Variants in USP6 observed in about 807,000 individuals in gnomAD.
The protein encoded by USP6 is ubiquitin specific peptidase 6.
Under a neutral mutation model 175.7 loss-of-function variants are expected in USP6, and 128 were observed. The observed-to-expected ratio is 0.73, with a 90% CI of 0.63 to 0.84. USP6 has a LOEUF of 0.84. Among genes scored for constraint, USP6 ranks in the 40% least tolerant of loss-of-function variants. The pLI is 0.00. For synonymous variants in USP6, 562 were observed against 630.6 expected, an observed-to-expected ratio of 0.89 and a Z score of 1.63; for missense variants, 1,498 against 1,760.3, an observed-to-expected ratio of 0.85 and a Z score of 2.67.
chr17:5,119,121 C>A (rs1468061813), intron 2 of USP6, among the ~76,000 whole-genome samples: 1 of 152,152 alleles, frequency 6.6e-6, no homozygotes, highest in Non-Finnish European at 1.5e-5. Context: ...TATGAAGAAA[C>A]CTCTCCTAAG....
At chr17:5,170,150 G>T (rs988115545) in intron 35 of USP6, among the ~76,000 whole-genome samples, 1 of 152,132 alleles carries the variant, frequency 6.6e-6, no homozygotes, top group African/African-American at 2.4e-5. Context: ...CAAAGGAGAG[G>T]AATATGTATT....
intron 31 of USP6, among the ~76,000 whole-genome samples, chr17:5,158,052 A>G (rs539583138): frequency 1.3e-5 from 2 of 152,352 alleles, no homozygotes; most frequent in African/African-American, 4.8e-5. Flanking sequence ...CAAGAAGTCT[A>G]TTATATATTC....
chr17:5,172,340 G>GCCAA (rs2074242366), intron 37 of USP6, among the ~76,000 whole-genome samples: 1 of 151,848 alleles, frequency 6.6e-6, no homozygotes, highest in Admixed American at 6.6e-5. Context: ...GGCCATCCTG[G>GCCAA]CTAATATGGT....
In USP6 at chr17:5,138,171, C is replaced by A. The variant is rs544131576; in HGVS notation, c.976C>A (p.Gln326Lys). 6.2e-7 allele frequency: 1 copy of A among 1,614,098 alleles called. No homozygotes were observed. The highest frequency in any genetic ancestry group is 1.3e-5 in the African/African-American group (1 of 75,008). Residue 326 changes from glutamine (Q) to lysine (K), a missense_variant, in exon 21 of 38, where the codon CAA (glutamine) becomes AAA (lysine). Gln to Lys is a moderately conservative substitution (Grantham distance 53). Transcript: ENST00000574788. Reference sequence around the variant, plus strand: ...TGGCCTGTGGGCACGTCTGCGGAACCAATTCTTCGATACCTGGGCCATGAA... The same window carrying A: ...TGGCCTGTGGGCACGTCTGCGGAACAAATTCTTCGATACCTGGGCCATGAA... ...RCGLWARLRN[Q>K]FFDTWAMNDD... is the part of the protein sequence containing the mutation.
intron 4 of USP6, among the ~76,000 whole-genome samples, chr17:5,123,836 G>C (rs752537424): frequency 6.6e-6 from 1 of 151,904 alleles, no homozygotes; most frequent in Admixed American, 6.5e-5. Context: ...CACACATACA[G>C]AGTTGGTTGA....
In USP6 at chr17:5,139,667, C is replaced by G. The variant is rs776194242; in HGVS notation, c.1491C>G (p.Cys497Trp). ...QLATCWQAEH[C>W]GEVHNKDMSW... is the part of the protein sequence containing the mutation. The stretch of plus-strand genomic sequence containing the variant: ...CCACCTGCTGGCAGGCTGAACACTG[C>G]GGAGAGGGTGAGGTTGGCTTTCACT... The change falls in exon 22 of 38, where the codon TGC becomes TGG. Residue 497 changes from cysteine (C) to tryptophan (W), a missense_variant. Cys to Trp is a radical substitution (Grantham distance 215, BLOSUM62 -2). Coordinates refer to ENST00000574788, the MANE Select transcript of USP6 (RefSeq NM_001304284.2). The G allele has an allele frequency of 6.2e-7, 1 of 1,608,646 alleles. No homozygotes were observed.
chr17:5,148,739 G>A lies in USP6; in HGVS notation c.2615G>A (p.Gly872Asp). The A allele has an allele frequency of 6.2e-7, 1 of 1,613,494 alleles. No individual in the cohort carries two copies. Among genetic ancestry groups the A allele is most frequent in the Non-Finnish European group, 8.5e-7 (1 of 1,179,554 alleles). The change falls in exon 30 of 38, where the codon GGT becomes GAT. Residue 872 changes from glycine (G) to aspartate (D), a missense_variant. Around this residue, in one of 2 missense-constraint regions of USP6, gnomAD observed 1,217 missense variants for 1,500.8 expected, o/e 0.81. Coordinates refer to ENST00000574788, the MANE Select transcript of USP6 (RefSeq NM_001304284.2). ...TCTCTTCCTGACAGCCCCTTTACAG[G>A]TTACATCATTGCAGTCCACCGAAAA... ...MPSLPDSPFTGYIIAVHRKMM... is the reference protein window; with the variant it reads ...MPSLPDSPFTDYIIAVHRKMM...
chr17:5,121,632 G>T lies in USP6; in HGVS notation c.-1417G>T. On this transcript the variant is annotated 5_prime_UTR_variant, in exon 4 of 38. An upstream open reading frame in the 5' UTR gains an earlier in-frame stop. Transcript: ENST00000574788. The stretch of plus-strand genomic sequence containing the variant: ...CAGAAGCATGGAGCAGCAGCTGTGC[G>T]AGCTCTGCTGCGACGCGGAGCACCA... 6.2e-6 allele frequency: 1 copy of T among 160,802 alleles called. No homozygotes were observed. Among genetic ancestry groups the T allele is most frequent in the South Asian group, 1.7e-4 (1 of 5,766 alleles). 10.0% of individuals were successfully genotyped at this position (160,802 alleles called of 1,614,324 possible).
Position 5,174,081 on chromosome 17 carries a change from G to T in USP6, c.*1103G>T, listed in dbSNP as rs905464194. 20 of 206,902 alleles carry T rather than the reference G, an allele frequency of 9.7e-5. No homozygotes were observed. The highest frequency in any genetic ancestry group is 5.9e-5 in the Admixed American group (1 of 16,812). 12.8% of individuals were successfully genotyped at this position (206,902 alleles called of 1,614,324 possible). ...GTTTTAGGAAGTCAACTTTAGTTTTGCTTTGTTTGCATGTCCACTGGTTTT... is the reference window on the plus strand; with the variant it reads ...GTTTTAGGAAGTCAACTTTAGTTTTTCTTTGTTTGCATGTCCACTGGTTTT... On this transcript the variant is annotated 3_prime_UTR_variant, in exon 38 of 38. Transcript: ENST00000574788.
intron 20 of USP6, 113 bp from the exon 21 acceptor site, chr17:5,138,008 G>C (rs2073312955): frequency 6.3e-7 from 1 of 1,578,194 alleles, no homozygotes; most frequent in Non-Finnish European, 8.6e-7. Flanking sequence ...GGATGCCTGG[G>C]GTGGCCACAA....
intron 31 of USP6, among the ~76,000 whole-genome samples, chr17:5,156,229 T>C (rs2073880669): frequency 1.3e-5 from 2 of 152,236 alleles, no homozygotes; most frequent in Admixed American, 1.3e-4. Context: ...GTAAATGCAT[T>C]TACTCTGAAT....
rs762752854 is a variant in USP6, at chr17:5,163,005, G to T, written c.3036+1G>T. 47 of 1,574,384 alleles carry T rather than the reference G, an allele frequency of 3.0e-5. No individual in the cohort carries two copies. The African/African-American group carries it at 5.7e-4, about 19-fold the overall frequency. ...TCGCTATCAAACATCCCAGGAAAGG[G>T]TAAGAATTTAGGGCCACCGTAAAAT... On this transcript the variant is annotated splice_donor_variant, in intron 33 of 37. Transcript: ENST00000574788. LOFTEE classifies it high-confidence loss of function.
At chr17:5,145,244 A>G (rs958048762) in intron 26 of USP6, among the ~76,000 whole-genome samples, 161 bp from the exon 27 acceptor site, 12 of 152,212 alleles carry the variant, frequency 7.9e-5, no homozygotes, top group African/African-American at 2.9e-4. Context: ...CAAATGAAAA[A>G]TAGGATTTTC....
chr17:5,136,559 G>A (rs764471108), intron 17 of USP6, 81 bp from the exon 18 acceptor site: 642 of 1,546,886 alleles, frequency 4.2e-4, no homozygotes, highest in Admixed American at 1.3e-3. Flanking sequence ...GGGGGCCTCT[G>A]CAGCTGCCCA....
Position 5,137,768 on chromosome 17 carries a change from C to T in USP6, c.925+18C>T, listed in dbSNP as rs749222827. The stretch of plus-strand genomic sequence containing the variant: ...TCAGCAGAGTAAGTCTACGTGTGCC[C>T]AGTGGGGCCTGGGGAGCCCTGCAGT... On this transcript the variant is annotated intron_variant, in intron 20 of 37. Coordinates refer to ENST00000574788, the MANE Select transcript of USP6 (RefSeq NM_001304284.2). The T allele has an allele frequency of 1.9e-5, 31 of 1,606,366 alleles. No individual in the cohort carries two copies. The Admixed American group carries it at 4.7e-4, about 24-fold the overall frequency.
intron 31 of USP6, among the ~76,000 whole-genome samples, chr17:5,158,580 G>GGA (rs772325537): frequency 0.024 from 2,535 of 104,140 alleles, 173 homozygotes; most frequent in African/African-American, 0.087. Flanking sequence ...AGAGAGAGAG[G>GGA]GAGAGAGAGA....
chr17:5,148,579 A>C lies in USP6; in HGVS notation c.2455A>C (p.Asn819His). The C allele has an allele frequency of 6.2e-7, 1 of 1,613,976 alleles. No individual in the cohort carries two copies. Among genetic ancestry groups the C allele is most frequent in the Non-Finnish European group, 8.5e-7 (1 of 1,179,856 alleles). The change falls in exon 30 of 38, where the codon AAT becomes CAT. Residue 819 changes from asparagine to histidine, a missense_variant. Transcript: ENST00000574788. ...AGATTTCTCCTCTTCACCATCTACA[A>C]ATGGAATGTTCACCCTAACTACCAA... The part of the protein sequence containing the change: ...QIDFSSSPST[N>H]GMFTLTTNGD...
chr17:5,117,207 C>T (rs919412267), intron 1 of USP6, among the ~76,000 whole-genome samples: 4 of 152,184 alleles, frequency 2.6e-5, no homozygotes, highest in Non-Finnish European at 5.9e-5. Flanking sequence ...GTAGCACCCG[C>T]TGCTTAACAC....
chr17:5,122,829 G>A (rs1407705875), intron 4 of USP6: 4 of 152,312 alleles, frequency 2.6e-5, no homozygotes, highest in African/African-American at 9.6e-5. Flanking sequence ...AGCGCACTGA[G>A]CTCTTAGAGG....
Sources: allele counts gnomAD v4.1 joint callset (sites outside exome capture counted in the v4.1 genomes callset), GRCh38; gene constraint gnomAD v4.1.1; regional missense constraint gnomAD v4.1.1; transcripts MANE v1.5; gene names NCBI Gene and HGNC (gene_info 2026-07-23, HGNC 2026-07-21).